Variants in RSRC1 observed in about 807,000 individuals in gnomAD.
RSRC1 encodes the protein arginine and serine rich coiled-coil 1, also known as serine/Arginine-related protein 53.
Under a neutral mutation model 49.1 loss-of-function variants are expected in RSRC1, and 39 were observed. The observed-to-expected ratio is 0.79, with a 90% CI of 0.61 to 1.04. The LOEUF is 1.04. RSRC1 is among the 50% of genes least tolerant of loss of function. The probability of loss-of-function intolerance (pLI) is 0.00; values close to 1 mark genes in which losing one functional copy is unlikely to be tolerated. For missense variants in RSRC1, 388 were observed against 402.4 expected (o/e 0.96, Z 0.31); for synonymous variants, 143 against 130.8 (o/e 1.09, Z -0.63).
intron 6 of RSRC1, among the ~76,000 whole-genome samples, chr3:158,455,873 G>C (rs763611391): frequency 6.7e-6 from 1 of 149,994 alleles, no homozygotes; most frequent in Non-Finnish European, 1.5e-5. Flanking sequence ...CCAGCTACTC[G>C]AGAGGCTGAG....
chr3:158,272,800 A>G (rs772710003), intron 4 of RSRC1, among the ~76,000 whole-genome samples: 10 of 152,050 alleles, frequency 6.6e-5, no homozygotes, highest in Non-Finnish European at 1.5e-4. Context: ...GAAGAACAGT[A>G]CAAGAAACTC....
At chr3:158,463,927 G>C (rs1737746635) in intron 7 of RSRC1, among the ~76,000 whole-genome samples, 1 of 152,058 alleles carries the variant, frequency 6.6e-6, no homozygotes, top group Non-Finnish European at 1.5e-5. Context: ...TCACTCTTGA[G>C]CCACTAATTC....
chr3:158,406,053 A>C (rs1360548867), intron 6 of RSRC1, among the ~76,000 whole-genome samples: 3 of 152,068 alleles, frequency 2.0e-5, no homozygotes, highest in African/African-American at 4.8e-5. Flanking sequence ...TGAGGTTTTC[A>C]ACTTTGTTTG....
intron 7 of RSRC1, among the ~76,000 whole-genome samples, chr3:158,491,952 AT>A (rs775565259): frequency 6.6e-6 from 1 of 152,158 alleles, no homozygotes; most frequent in Non-Finnish European, 1.5e-5. Flanking sequence ...GTATTAGTCC[AT>A]TTTCACACTG....
At chr3:158,309,211 G>A (rs1049994174) in intron 5 of RSRC1, among the ~76,000 whole-genome samples, 1 of 151,758 alleles carries the variant, frequency 6.6e-6, no homozygotes, top group Non-Finnish European at 1.5e-5. Context: ...AAGTGCTTTC[G>A]ACTAGTAAAA....
intron 6 of RSRC1, among the ~76,000 whole-genome samples, chr3:158,356,706 G>C (rs1255339412): frequency 1.3e-5 from 2 of 151,914 alleles, no homozygotes; most frequent in Non-Finnish European, 2.9e-5. Context: ...AATATTTGCA[G>C]CTCCTAATTG....
At chr3:158,352,891 C>G (rs1730951777) in intron 5 of RSRC1, among the ~76,000 whole-genome samples, 1 of 152,084 alleles carries the variant, frequency 6.6e-6, no homozygotes, top group South Asian at 2.1e-4. Context: ...GCATTAATGG[C>G]TTGATACCTG....
chr3:158,248,946 A>G (rs1482721210), intron 4 of RSRC1, among the ~76,000 whole-genome samples: 2 of 152,086 alleles, frequency 1.3e-5, no homozygotes, highest in South Asian at 2.1e-4. Flanking sequence ...ATACTTACCA[A>G]TAGTTGGTAT....
At chr3:158,154,784 T>G (rs1457119993) in intron 3 of RSRC1, among the ~76,000 whole-genome samples, 1 of 152,070 alleles carries the variant, frequency 6.6e-6, no homozygotes, top group Admixed American at 6.6e-5. Flanking sequence ...AAAATTAGAG[T>G]CAGTCTTCTC....
intron 3 of RSRC1, among the ~76,000 whole-genome samples, chr3:158,164,893 A>T (rs1718446498): frequency 6.6e-6 from 1 of 152,214 alleles, no homozygotes; most frequent in Admixed American, 6.5e-5. Flanking sequence ...AGATAGATGC[A>T]CTAAAGTTCT....
At chr3:158,474,879 G>C (rs768006501) in intron 7 of RSRC1, among the ~76,000 whole-genome samples, 2 of 152,022 alleles carry the variant, frequency 1.3e-5, no homozygotes, top group Non-Finnish European at 2.9e-5. Flanking sequence ...ACCTTATGCT[G>C]TCCTTTCATA....
intron 6 of RSRC1, among the ~76,000 whole-genome samples, chr3:158,398,654 A>G (rs1733732671): frequency 6.6e-6 from 1 of 152,148 alleles, no homozygotes; most frequent in African/African-American, 2.4e-5. Context: ...GGATTATAAA[A>G]TGATAAATTT....
At chr3:158,249,769 C>T (rs2108010950) in intron 4 of RSRC1, among the ~76,000 whole-genome samples, 1 of 152,198 alleles carries the variant, frequency 6.6e-6, no homozygotes, top group South Asian at 2.1e-4. Flanking sequence ...GTAATAATCA[C>T]ATCAGAATAA....
intron 3 of RSRC1, among the ~76,000 whole-genome samples, chr3:158,156,597 A>G (rs1304517847): frequency 1.3e-5 from 2 of 152,220 alleles, no homozygotes; most frequent in Non-Finnish European, 2.9e-5. Flanking sequence ...TGAGAGATGT[A>G]TGACTGTTCT....
Position 158,203,106 on chromosome 3 carries a change from C to A in RSRC1, c.355C>A (p.Arg119Ser), listed in dbSNP as rs146246774. ...RSRPRLRSHS[R>S]SSERSSHRRT... Reference sequence around the variant, plus strand: ...AAGACCTCGTCTCCGTTCTCATAGTCGTAGCAGTGAAAGGTCCAGTCACAG... The same window carrying A: ...AAGACCTCGTCTCCGTTCTCATAGTAGTAGCAGTGAAAGGTCCAGTCACAG... Residue 119 changes from arginine (R) to serine (S), a missense_variant, in exon 4 of 10, where the codon CGT (arginine) becomes AGT (serine). Coordinates refer to ENST00000611884, the MANE Select transcript of RSRC1 (RefSeq NM_001271838.2). 1 of 1,613,338 alleles carries A rather than the reference C, an allele frequency of 6.2e-7. No homozygotes were observed. The highest frequency in any genetic ancestry group is 1.7e-5 in the Admixed American group (1 of 59,960).
chr3:158,123,917 A>C lies in RSRC1; in HGVS notation c.246A>C (p.Arg82=). ...CTTCTTATGGCTCCAGAAGGAAACG[A>C]AGTCGAAGTCGTTCAAGGGGTCGAG... ...SSSSYGSRRK[R]SRSRSRGRGK... is the part of the protein sequence containing the mutation. The change falls in exon 3 of 10, where the codon CGA becomes CGC. Residue 82 remains arginine, a synonymous_variant. Coordinates refer to ENST00000611884, the MANE Select transcript of RSRC1 (RefSeq NM_001271838.2). 1.9e-6 allele frequency: 3 copies of C among 1,613,042 alleles called. No individual in the cohort carries two copies. The highest frequency in any genetic ancestry group is 2.5e-6 in the Non-Finnish European group (3 of 1,179,346).
At chr3:158,114,588 G>A (rs1469958466) in intron 1 of RSRC1, among the ~76,000 whole-genome samples, 3 of 152,088 alleles carry the variant, frequency 2.0e-5, no homozygotes, top group Non-Finnish European at 4.4e-5. Flanking sequence ...GGTCACTTTG[G>A]GTGGTATTGC....
intron 4 of RSRC1, among the ~76,000 whole-genome samples, chr3:158,212,875 A>G (rs1051077218): frequency 2.0e-5 from 3 of 151,986 alleles, no homozygotes; most frequent in Non-Finnish European, 2.9e-5. Context: ...AGTATCCCTG[A>G]TATGAATGAT....
rs1491469875 is a variant in RSRC1 at position 158,118,462 on chromosome 3, T to TGTGTGTGTGTGTGTGTGCGC, written c.-2-3640_-2-3639insTGTGTGTGTGTGTGTGCGCG. 6.6e-4 allele frequency among the ~76,000 whole-genome samples: 82 copies of TGTGTGTGTGTGTGTGTGCGC among 124,710 alleles called. 1 individual carries two copies. Among genetic ancestry groups the TGTGTGTGTGTGTGTGTGCGC allele is most frequent in the African/African-American group, 1.7e-3 (50 of 30,256 alleles). 81.8% of individuals were successfully genotyped at this position (124,710 alleles called of 152,430 possible). ...GTGTGTGTGTGTGTGTGTGTGTGTG[T>TGTGTGTGTGTGTGTGTGCGC]GCGCGTGCGCGTGGTTTTTTTAAAT... On this transcript the variant is annotated intron_variant, in intron 1 of 9. Transcript: ENST00000611884.
Sources: allele counts gnomAD v4.1 joint callset (sites outside exome capture counted in the v4.1 genomes callset), GRCh38; gene constraint gnomAD v4.1.1; transcripts MANE v1.5; gene names NCBI Gene and HGNC (gene_info 2026-07-23, HGNC 2026-07-21).